Variants in ADAM22 observed in about 807,000 individuals in gnomAD.
The protein encoded by ADAM22 is ADAM metallopeptidase domain 22.
In ADAM22, 65 loss-of-function variants were observed where a neutral mutation model predicts 144.6. The ratio of observed to expected loss-of-function variants is 0.45; its 90% confidence interval spans 0.37 to 0.55. The LOEUF is 0.55. Ranked by LOEUF, ADAM22 falls within the 20% of genes least tolerant of loss-of-function variation. The pLI is 0.00. For synonymous variants in ADAM22, 391 were observed against 412.6 expected, an observed-to-expected ratio of 0.95 and a Z score of 0.63; for missense variants, 974 against 1,184.9, an observed-to-expected ratio of 0.82 and a Z score of 2.61.
At chr7:87,960,069 A>G (rs1409488483) in intron 2 of ADAM22, among the ~76,000 whole-genome samples, 1 of 152,160 alleles carries the variant, frequency 6.6e-6, no homozygotes, top group East Asian at 1.9e-4. Flanking sequence ...TGTAGCCTTC[A>G]GATCAATGGA....
At chr7:88,083,278 A>T (rs528579099) in intron 4 of ADAM22, among the ~76,000 whole-genome samples, 1 of 152,194 alleles carries the variant, frequency 6.6e-6, no homozygotes, top group East Asian at 1.9e-4. Flanking sequence ...CATAGGTGAG[A>T]ATTGAACAGT....
At chr7:88,125,829 G>C (rs1345070087) in intron 8 of ADAM22, among the ~76,000 whole-genome samples, 170 bp downstream of exon 8, 1 of 152,010 alleles carries the variant, frequency 6.6e-6, no homozygotes, top group Non-Finnish European at 1.5e-5. Flanking sequence ...AGGGGGCCAT[G>C]TTGTTTCACA....
At chr7:88,023,837 C>T (rs562513892) in intron 3 of ADAM22, among the ~76,000 whole-genome samples, 1 of 152,168 alleles carries the variant, frequency 6.6e-6, no homozygotes, top group East Asian at 1.9e-4. Flanking sequence ...CCCCCCTACC[C>T]TCCTGTTACC....
intron 2 of ADAM22, among the ~76,000 whole-genome samples, chr7:87,968,521 C>T (rs1194867259): frequency 1.3e-5 from 2 of 151,936 alleles, no homozygotes; most frequent in Admixed American, 6.6e-5. Context: ...TGCACTCCAG[C>T]CTGGGCAACA....
At chr7:88,033,752 TC>T (rs1800847917) in intron 3 of ADAM22, among the ~76,000 whole-genome samples, 1 of 152,098 alleles carries the variant, frequency 6.6e-6, no homozygotes, top group African/African-American at 2.4e-5. Context: ...TGAGCTGGCG[TC>T]CAAGCCACAA....
intron 3 of ADAM22, among the ~76,000 whole-genome samples, chr7:88,028,942 G>A (rs1056661870): frequency 6.6e-6 from 1 of 151,598 alleles, no homozygotes; most frequent in African/African-American, 2.4e-5. Context: ...GTGGAGTCTT[G>A]TTTTTTTATC....
chr7:88,174,955 A>G (rs1845275479), intron 26 of ADAM22, among the ~76,000 whole-genome samples: 1 of 152,114 alleles, frequency 6.6e-6, no homozygotes, highest in African/African-American at 2.4e-5. Context: ...CACATTATAC[A>G]GTATTTCTTA....
At chr7:88,151,433 A>G (rs552453218) in intron 20 of ADAM22, 113 bp downstream of exon 20, 20 of 1,196,804 alleles carry the variant, frequency 1.7e-5, no homozygotes, top group South Asian at 1.0e-4. Context: ...GGGATTCTCA[A>G]AGCTACCACA....
At chr7:88,085,090 G>A (rs1402001857) in intron 4 of ADAM22, among the ~76,000 whole-genome samples, 1 of 152,142 alleles carries the variant, frequency 6.6e-6, no homozygotes, top group African/African-American at 2.4e-5. Context: ...TATATTCTGA[G>A]GTATTAGGGG....
At chr7:88,052,511 AG>A (rs200798570) in intron 3 of ADAM22, among the ~76,000 whole-genome samples, 228 of 151,128 alleles carry the variant, frequency 1.5e-3, no homozygotes, top group South Asian at 1.7e-3. Context: ...AAAAAAAAAA[AG>A]TTCCCAGATG....
intron 2 of ADAM22, among the ~76,000 whole-genome samples, chr7:87,944,629 T>C (rs1423330891): frequency 6.6e-6 from 1 of 151,986 alleles, no homozygotes; most frequent in Non-Finnish European, 1.5e-5. Flanking sequence ...AGGCTGTAGG[T>C]AAAAGGGTGG....
chr7:87,941,267 A>G (rs1250139453), intron 2 of ADAM22, among the ~76,000 whole-genome samples: 2 of 152,206 alleles, frequency 1.3e-5, no homozygotes, highest in African/African-American at 4.8e-5. Context: ...ATAACCAGTA[A>G]CAAATGGGAA....
chr7:87,977,617 G>A (rs2129448641), intron 2 of ADAM22, among the ~76,000 whole-genome samples: 1 of 152,272 alleles, frequency 6.6e-6, no homozygotes, highest in East Asian at 1.9e-4. Flanking sequence ...TTTCTTTTCA[G>A]TTAATTCACA....
At chr7:88,061,861 G>A (rs1238999922) in intron 3 of ADAM22, among the ~76,000 whole-genome samples, 1 of 52,488 alleles carries the variant, frequency 1.9e-5, no homozygotes, top group Non-Finnish European at 4.0e-5. Flanking sequence ...TTTTTTTTTT[G>A]AGGCAGAGTC....
intron 6 of ADAM22, 119 bp from the exon 7 acceptor site, chr7:88,116,626 A>T: frequency 1.3e-6 from 1 of 761,826 alleles, no homozygotes; most frequent in Non-Finnish European, 2.2e-6. Context: ...TCACCTCTCT[A>T]AACCCAGGAG....
At chr7:88,184,626 C>G (rs1344435248) in intron 29 of ADAM22, among the ~76,000 whole-genome samples, 2 of 152,082 alleles carry the variant, frequency 1.3e-5, no homozygotes, top group Non-Finnish European at 2.9e-5. Flanking sequence ...GCATGTCGCG[C>G]TATATGCCAA....
At chr7:88,022,868 G>A (rs1345199013) in intron 3 of ADAM22, among the ~76,000 whole-genome samples, 1 of 152,116 alleles carries the variant, frequency 6.6e-6, no homozygotes, top group Non-Finnish European at 1.5e-5. Context: ...TGATATTGTA[G>A]CAGCATTTAA....
At chr7:88,137,103 T>A (rs1482268845) in intron 14 of ADAM22, among the ~76,000 whole-genome samples, 1 of 152,182 alleles carries the variant, frequency 6.6e-6, no homozygotes, top group Non-Finnish European at 1.5e-5. Flanking sequence ...TTTTACTGTA[T>A]AGTATGTATG....
chr7:87,967,004 G>A (rs1415752988), intron 2 of ADAM22, among the ~76,000 whole-genome samples: 6 of 151,996 alleles, frequency 3.9e-5, no homozygotes, highest in Non-Finnish European at 8.8e-5. Context: ...TCTCATGATA[G>A]TGAGTGAGTT....
Sources: allele counts gnomAD v4.1 joint callset (sites outside exome capture counted in the v4.1 genomes callset), GRCh38; gene constraint gnomAD v4.1.1; transcripts MANE v1.5; gene names NCBI Gene and HGNC (gene_info 2026-07-23, HGNC 2026-07-21).